Variants in SORBS3 observed in about 807,000 individuals in gnomAD.
SORBS3 encodes the protein sorbin and SH3 domain containing 3, also known as vinexin.
Under a neutral mutation model 98.0 loss-of-function variants are expected in SORBS3, and 69 were observed. That is an observed-to-expected ratio of 0.70 (90% CI 0.58 to 0.86). SORBS3 has a LOEUF of 0.86. SORBS3 is among the 40% of genes least tolerant of loss of function. The probability of loss-of-function intolerance (pLI) is 0.00; values close to 1 mark genes in which losing one functional copy is unlikely to be tolerated. For missense variants in SORBS3, 954 were observed against 908.5 expected (o/e 1.05, Z -0.64); for synonymous variants, 394 against 355.4 (o/e 1.11, Z -1.22).
Position 22,565,863 on chromosome 8 carries a change from C to T in SORBS3, c.941C>T (p.Pro314Leu), listed in dbSNP as rs1840402154. Residue 314 changes from proline (P) to leucine (L), a missense_variant, in exon 12 of 21, where the codon CCC (proline) becomes CTC (leucine). Transcript: ENST00000240123. ...CCCCGACGGGCCCCGGAGCAGCGGC[C>T]CCCGGCCGGGTGAGTGGGAGACGCG... ...PAPRRAPEQR[P>L]PAGPASAWSS... 2 of 1,271,374 alleles carry T rather than the reference C, an allele frequency of 1.6e-6. No homozygotes were observed. Among genetic ancestry groups the T allele is most frequent in the East Asian group, 3.2e-5 (1 of 31,018 alleles). 78.8% of individuals were successfully genotyped at this position (1,271,374 alleles called of 1,614,324 possible).
chr8:22,567,615 G>T (rs569548590), intron 16 of SORBS3, among the ~76,000 whole-genome samples: 1 of 152,300 alleles, frequency 6.6e-6, no homozygotes, highest in South Asian at 2.1e-4. Flanking sequence ...TTACAGATGG[G>T]GATGCCAAGG....
upstream of SORBS3, among the ~76,000 whole-genome samples, chr8:22,547,789 C>T (rs1840031262): frequency 1.3e-5 from 2 of 152,218 alleles, no homozygotes; most frequent in Admixed American, 6.5e-5. Flanking sequence ...TTCTCAAAGA[C>T]ACCCCGTCTG....
At chr8:22,571,851 A>G (rs1170514945) in intron 19 of SORBS3, 30 bp downstream of exon 19, 1 of 1,484,040 alleles carries the variant, frequency 6.7e-7, no homozygotes, top group Non-Finnish European at 9.4e-7. Flanking sequence ...TCTTGATCAG[A>G]CGTGGGGGGG....
chr8:22,574,723 G>C lies in SORBS3; in HGVS notation c.2011G>C (p.Val671Leu). 6.2e-7 allele frequency: 1 copy of C among 1,611,268 alleles called. No homozygotes were observed. Among genetic ancestry groups the C allele is most frequent in the Non-Finnish European group, 8.5e-7 (1 of 1,177,996 alleles). Residue 671 changes from valine (V) to leucine (L), a missense_variant, in exon 21 of 21, where the codon GTG becomes CTG. Transcript: ENST00000240123. ...GTTCCCTGGAAATTACGTTGCCCCGGTGTGAGTGGTCTCCATGGCAACTTG... is the reference window on the plus strand; with the variant it reads ...GTTCCCTGGAAATTACGTTGCCCCGCTGTGAGTGGTCTCCATGGCAACTTG... ...GTFPGNYVAPV is the reference protein window; with the variant it reads ...GTFPGNYVAPL
chr8:22,559,159 T>C (rs1218136722), intron 5 of SORBS3, among the ~76,000 whole-genome samples: 2 of 152,144 alleles, frequency 1.3e-5, no homozygotes, highest in Non-Finnish European at 2.9e-5. Flanking sequence ...TTCCCTTGCC[T>C]GGTAAGGGCT....
chr8:22,554,655 G>GT lies in SORBS3; in HGVS notation c.102+49dup. 1 of 1,562,102 alleles carries GT rather than the reference G, an allele frequency of 6.4e-7. No individual in the cohort carries two copies. The highest frequency in any genetic ancestry group is 8.6e-7 in the Non-Finnish European group (1 of 1,157,152). On this transcript the variant is annotated intron_variant, in intron 2 of 20. Transcript: ENST00000240123. This position sits in a 1 kb window ranked among gnomAD's most constrained non-coding sequence, Gnocchi z 6.5. ...AGGGTGTCCTGCGGGCCCGGAGTTG[G>GT]TTGGGACGCTAGCAGGTCAGGTGGG...
chr8:22,572,066 G>C (rs1016675505), intron 19 of SORBS3, among the ~76,000 whole-genome samples: 1 of 152,218 alleles, frequency 6.6e-6, no homozygotes, highest in Non-Finnish European at 1.5e-5. Flanking sequence ...TTCTAGCCCT[G>C]AGGTCGGTGC....
At chr8:22,545,806 AG>A (rs1840009868) in intron 1 of SORBS3, among the ~76,000 whole-genome samples, 1 of 152,260 alleles carries the variant, frequency 6.6e-6, no homozygotes, top group Non-Finnish European at 1.5e-5. Context: ...TGTAATGAGG[AG>A]CAGGCCTGTC....
upstream of SORBS3, among the ~76,000 whole-genome samples, chr8:22,549,331 G>C (rs983326013): frequency 6.6e-6 from 1 of 152,192 alleles, no homozygotes; most frequent in Non-Finnish European, 1.5e-5. Context: ...GCCTTATCTA[G>C]GACAATCTTC....
At chr8:22,570,185 C>T (rs13260287) in intron 17 of SORBS3, among the ~76,000 whole-genome samples, 20,461 of 152,170 alleles carry the variant, frequency 0.13, 1,620 homozygotes, top group South Asian at 0.22. Flanking sequence ...TAGTGAATGC[C>T]TCCCAGAAGA....
intron 17 of SORBS3, among the ~76,000 whole-genome samples, chr8:22,570,373 G>A (rs567752533): frequency 9.2e-5 from 14 of 152,174 alleles, no homozygotes; most frequent in Non-Finnish European, 1.6e-4. Flanking sequence ...TTTTTGACAC[G>A]CTCATGACAA....
chr8:22,569,875 C>G (rs939273374), intron 17 of SORBS3, among the ~76,000 whole-genome samples: 23 of 152,126 alleles, frequency 1.5e-4, no homozygotes, highest in Admixed American at 1.3e-3. Context: ...TCATCATAAA[C>G]TTCTAGAGTT....
At chr8:22,545,888 C>T (rs1266142869) in intron 1 of SORBS3, among the ~76,000 whole-genome samples, 5 of 152,140 alleles carry the variant, frequency 3.3e-5, no homozygotes, top group African/African-American at 1.2e-4. Context: ...ACTGTAAATC[C>T]CTAACTTTTA....
Position 22,572,705 on chromosome 8 carries a change from C to A in SORBS3, c.1954+259C>A, listed in dbSNP as rs543625087. Among the ~76,000 whole-genome samples the A allele has an allele frequency of 6.6e-5, 10 of 152,326 alleles. No individual in the cohort carries two copies. The East Asian group carries it at 1.9e-3, about 29-fold the overall frequency. ...GGGTCACTGATGGAGTCAGTGGGGA[C>A]CCAGGCCAGGGTTCCCAACGTCCAG... is the stretch of plus-strand genomic sequence containing the variant. On this transcript the variant is annotated intron_variant, in intron 20 of 20. Coordinates refer to ENST00000240123, the MANE Select transcript of SORBS3 (RefSeq NM_005775.5).
intron 7 of SORBS3, among the ~76,000 whole-genome samples, chr8:22,563,366 G>A (rs942225175): frequency 6.6e-6 from 1 of 152,224 alleles, no homozygotes; most frequent in African/African-American, 2.4e-5. Context: ...TAAGGCAGAT[G>A]TGTCCATGCT....
upstream of SORBS3, among the ~76,000 whole-genome samples, chr8:22,547,120 C>G (rs1421595665): frequency 6.6e-6 from 1 of 152,112 alleles, no homozygotes; most frequent in Non-Finnish European, 1.5e-5. Flanking sequence ...TTTGTTATCC[C>G]AGTGGCATCC....
In SORBS3 at chr8:22,574,828, C is replaced by T; in HGVS notation, c.*100C>T. 1 of 1,187,450 alleles carries T rather than the reference C, an allele frequency of 8.4e-7. No homozygotes were observed. The highest frequency in any genetic ancestry group is 1.3e-6 in the Non-Finnish European group (1 of 795,138). 73.6% of individuals were successfully genotyped at this position (1,187,450 alleles called of 1,614,324 possible). On this transcript the variant is annotated 3_prime_UTR_variant, in exon 21 of 21. Transcript: ENST00000240123. ...CCGCCCACATCCTCCTTCCCCAGGA[C>T]CTGAGCTCCCAGCATCTGCAGACGA...
intron 12 of SORBS3, 54 bp downstream of exon 12, chr8:22,565,926 G>A (rs1840403826): frequency 3.4e-6 from 4 of 1,167,258 alleles, no homozygotes; most frequent in Non-Finnish European, 4.3e-6. Context: ...GGGCGGGAGG[G>A]AACGTGGCGC....
chr8:22,561,062 G>T (rs1050472957), intron 5 of SORBS3: 6 of 413,648 alleles, frequency 1.5e-5, no homozygotes, highest in Admixed American at 8.3e-5. Context: ...TCAGGAGAGG[G>T]TGTGTGTGGG....
Sources: allele counts gnomAD v4.1 joint callset (sites outside exome capture counted in the v4.1 genomes callset), GRCh38; gene constraint gnomAD v4.1.1; non-coding constraint Gnocchi (gnomAD v3.1); transcripts MANE v1.5; gene names NCBI Gene and HGNC (gene_info 2026-07-23, HGNC 2026-07-21).